Variants in SYN3 observed in about 807,000 individuals in gnomAD.
SYN3 encodes synapsin-3.
In SYN3, 35 loss-of-function variants were observed where a neutral mutation model predicts 65.8. That is an observed-to-expected ratio of 0.53 (90% confidence interval 0.41 to 0.70). The LOEUF (loss-of-function observed/expected upper bound fraction) is 0.70, where lower values mean the gene tolerates loss of function less well. Among genes scored for constraint, SYN3 ranks in the 30% least tolerant of loss-of-function variants. The pLI is 0.00. For synonymous variants in SYN3, 270 were observed against 292.9 expected (o/e 0.92, Z 0.80); for missense variants, 680 against 749.0 (o/e 0.91, Z 1.08).
chr22:33,051,093 G>A (rs527491078), intron 1 of SYN3, among the ~76,000 whole-genome samples: 27 of 152,194 alleles, frequency 1.8e-4, no homozygotes, highest in Admixed American at 1.1e-3. Flanking sequence ...CTACCTCTGC[G>A]ATTTACAAGG....
At chr22:32,921,897 G>A (rs1402591368) in intron 4 of SYN3, among the ~76,000 whole-genome samples, 1 of 152,126 alleles carries the variant, frequency 6.6e-6, no homozygotes, top group Non-Finnish European at 1.5e-5. Context: ...TGCTGTCACC[G>A]TGGCAAATCT....
intron 7 of SYN3, among the ~76,000 whole-genome samples, chr22:32,563,411 TG>T (rs1357831504): frequency 6.6e-6 from 1 of 152,158 alleles, no homozygotes; most frequent in Non-Finnish European, 1.5e-5. Context: ...CTGAAGGTGT[TG>T]GGGAGAAGTT....
chr22:32,890,691 T>C (rs1033831995), intron 4 of SYN3, among the ~76,000 whole-genome samples: 1 of 152,198 alleles, frequency 6.6e-6, no homozygotes, highest in East Asian at 1.9e-4. Flanking sequence ...ATTTAGCACA[T>C]TTTTAACCTG....
At chr22:32,766,957 T>C (rs567717543) in intron 6 of SYN3, among the ~76,000 whole-genome samples, 33 of 152,308 alleles carry the variant, frequency 2.2e-4, no homozygotes, top group Non-Finnish European at 4.1e-4. Context: ...GTATCCACAG[T>C]AGACCATTTG....
At chr22:32,515,385 C>T (rs1026210636) in intron 13 of SYN3, among the ~76,000 whole-genome samples, 4 of 152,104 alleles carry the variant, frequency 2.6e-5, no homozygotes, top group Non-Finnish European at 5.9e-5. Context: ...TAACCCTGTG[C>T]GGTTATTGTC....
At chr22:32,858,724 G>A (rs1185615888) in intron 6 of SYN3, among the ~76,000 whole-genome samples, 3 of 152,170 alleles carry the variant, frequency 2.0e-5, no homozygotes, top group South Asian at 2.1e-4. Flanking sequence ...TTCTGCAGAT[G>A]AGAGCTCAGA....
At chr22:32,762,709 C>T (rs570429742) in intron 6 of SYN3, among the ~76,000 whole-genome samples, 36 of 152,324 alleles carry the variant, frequency 2.4e-4, no homozygotes, top group Non-Finnish European at 4.0e-4. Context: ...GTGGGGCGGG[C>T]GCCCTTGCAT....
At chr22:32,711,218 A>G (rs1323370698) in intron 6 of SYN3, among the ~76,000 whole-genome samples, 1 of 152,182 alleles carries the variant, frequency 6.6e-6, no homozygotes, top group Non-Finnish European at 1.5e-5. Flanking sequence ...TTGAGTGCAC[A>G]TGCTCCAGTG....
At chr22:32,918,929 T>C (rs1010432) in intron 4 of SYN3, among the ~76,000 whole-genome samples, 16,120 of 152,186 alleles carry the variant, frequency 0.11, 1,368 homozygotes, top group East Asian at 0.43. Flanking sequence ...GCGGTCTGCT[T>C]TGCCTACACA....
chr22:32,578,051 G>C (rs555988145), intron 7 of SYN3, among the ~76,000 whole-genome samples: 1 of 152,330 alleles, frequency 6.6e-6, no homozygotes, highest in South Asian at 2.1e-4. Context: ...TGCATCTCCA[G>C]TGCCTAGAAT....
In SYN3 at chr22:32,642,071, C is replaced by T. The variant is rs550816281; in HGVS notation, c.712-45335G>A. On this transcript the variant is annotated intron_variant, in intron 6 of 13. Transcript: ENST00000358763. ...TTGGGAGGCAGCGGCAGGTGAATCA[C>T]CTGAGGTCAGGAGTTTGAGACCAGC... Among the ~76,000 whole-genome samples, 9 of 152,146 alleles carry T rather than the reference C, an allele frequency of 5.9e-5. No homozygotes were observed. The East Asian group carries it at 1.6e-3, about 26-fold the overall frequency.
intron 4 of SYN3, among the ~76,000 whole-genome samples, chr22:32,883,353 C>T (rs1419135806): frequency 3.3e-5 from 5 of 152,182 alleles, no homozygotes; most frequent in Non-Finnish European, 4.4e-5. Flanking sequence ...CCAGCTCAGT[C>T]GGATGCCCAT....
chr22:32,618,571 C>CTG (rs2059552610), intron 6 of SYN3, among the ~76,000 whole-genome samples: 3 of 151,834 alleles, frequency 2.0e-5, no homozygotes, highest in Admixed American at 1.3e-4. Flanking sequence ...CATTTTCCCC[C>CTG]CTTTCATTCT....
chr22:32,986,725 T>C (rs2052538033), intron 2 of SYN3, among the ~76,000 whole-genome samples: 1 of 152,188 alleles, frequency 6.6e-6, no homozygotes, highest in Non-Finnish European at 1.5e-5. Context: ...GCTCTGTCTC[T>C]CATGGCTGCC....
At chr22:32,541,736 T>C in intron 7 of SYN3, 23 bp from the exon 8 acceptor site, 2 of 1,610,320 alleles carry the variant, frequency 1.2e-6, no homozygotes, top group Non-Finnish European at 1.7e-6. Context: ...ATGAGGGGGA[T>C]GAGTGCCACC....
chr22:33,027,345 C>G lies in SYN3; in HGVS notation c.-162-20521G>C, dbSNP rs565843583. ...GGCACGGTGACTCACGCCTGTAATC[C>G]CAGCACTTTGGGAGTCAGAAGCAGG... On this transcript the variant is annotated intron_variant, in intron 1 of 13. Transcript: ENST00000358763. 8.5e-5 allele frequency among the ~76,000 whole-genome samples: 13 copies of G among 152,082 alleles called. No individual in the cohort carries two copies. The South Asian group carries it at 2.5e-3, about 29-fold the overall frequency.
chr22:32,827,632 C>T (rs1034840320), intron 6 of SYN3, among the ~76,000 whole-genome samples: 2 of 152,194 alleles, frequency 1.3e-5, no homozygotes, highest in Non-Finnish European at 2.9e-5. Flanking sequence ...ATCCTTTCTC[C>T]AACAAGTAGA....
intron 6 of SYN3, among the ~76,000 whole-genome samples, chr22:32,738,548 T>C (rs893027805): frequency 7.2e-5 from 11 of 152,212 alleles, no homozygotes; most frequent in Admixed American, 5.9e-4. Context: ...CCCTTCCAGT[T>C]ATTCCCTGTT....
intron 5 of SYN3, among the ~76,000 whole-genome samples, chr22:32,867,785 G>A (rs2048725506): frequency 6.6e-6 from 1 of 152,162 alleles, no homozygotes; most frequent in African/African-American, 2.4e-5. Flanking sequence ...GTTTCACCAT[G>A]TTGGCCAGCA....
Sources: allele counts gnomAD v4.1 joint callset (sites outside exome capture counted in the v4.1 genomes callset), GRCh38; gene constraint gnomAD v4.1.1; transcripts MANE v1.5; gene names NCBI Gene and HGNC (gene_info 2026-07-23, HGNC 2026-07-21).